The following ARHGEF38 variants were observed in gnomAD, a reference collection of about 807,000 sequenced individuals.
ARHGEF38 encodes Rho guanine nucleotide exchange factor 38.
A neutral mutation model predicts 79.9 loss-of-function variants in ARHGEF38; 79 were observed. The observed-to-expected ratio is 0.99, with a 90% CI of 0.82 to 1.19. The LOEUF (loss-of-function observed/expected upper bound fraction) is 1.19. Among genes scored for constraint, ARHGEF38 ranks in the 50% most tolerant of loss-of-function variants. ARHGEF38 has a pLI of 0.00. For synonymous variants in ARHGEF38, 366 were observed against 328.3 expected (o/e 1.11, Z -1.24); for missense variants, 962 against 907.2 (o/e 1.06, Z -0.78).
intron 7 of ARHGEF38, among the ~76,000 whole-genome samples, chr4:105,653,511 C>A (rs557032936): frequency 6.6e-6 from 1 of 151,928 alleles, no homozygotes; most frequent in African/African-American, 2.4e-5. Flanking sequence ...TTAGTAGATA[C>A]GGGGTTTCAC....
At chr4:105,562,973 T>A (rs1468654817) in intron 1 of ARHGEF38, among the ~76,000 whole-genome samples, 1 of 152,158 alleles carries the variant, frequency 6.6e-6, no homozygotes. Flanking sequence ...TTGTCTCCAG[T>A]GTTGTGAAGG....
intron 1 of ARHGEF38, among the ~76,000 whole-genome samples, chr4:105,559,323 T>C (rs566174380): frequency 1.3e-5 from 2 of 152,256 alleles, no homozygotes; most frequent in East Asian, 3.9e-4. Context: ...GGACCGCTTC[T>C]TATCCCATGC....
At chr4:105,647,213 A>G (rs1452991721) in intron 6 of ARHGEF38, among the ~76,000 whole-genome samples, 2 of 152,138 alleles carry the variant, frequency 1.3e-5, no homozygotes, top group Non-Finnish European at 2.9e-5. Context: ...TCCAGTTTGC[A>G]TAGCTAACAT....
At chr4:105,653,297 T>C (rs992580104) in intron 7 of ARHGEF38, among the ~76,000 whole-genome samples, 5 of 151,490 alleles carry the variant, frequency 3.3e-5, no homozygotes, top group African/African-American at 1.2e-4. Flanking sequence ...TCCTTCAAGT[T>C]TGAGTTGATA....
At chr4:105,561,921 G>A (rs994178033) in intron 1 of ARHGEF38, among the ~76,000 whole-genome samples, 1 of 152,262 alleles carries the variant, frequency 6.6e-6, no homozygotes, top group African/African-American at 2.4e-5. Flanking sequence ...GAAAGAAATT[G>A]TGGAAAAGTG....
At chr4:105,589,022 A>G (rs907800452) in intron 1 of ARHGEF38, among the ~76,000 whole-genome samples, 11 of 152,264 alleles carry the variant, frequency 7.2e-5, no homozygotes. Context: ...AGAAGCCACG[A>G]TAATTGAGTA....
chr4:105,554,029 CTAT>C (rs1725133249), intron 1 of ARHGEF38, among the ~76,000 whole-genome samples: 1 of 151,762 alleles, frequency 6.6e-6, no homozygotes, highest in Non-Finnish European at 1.5e-5. Context: ...AAAATTATTA[CTAT>C]AAGTTAATGT....
At chr4:105,594,015 T>A (rs1457726805) in intron 2 of ARHGEF38, among the ~76,000 whole-genome samples, 2 of 152,328 alleles carry the variant, frequency 1.3e-5, no homozygotes, top group East Asian at 3.9e-4. Flanking sequence ...TTTGACCTTG[T>A]TATTTAGCTA....
At chr4:105,620,068 A>G (rs1728677624) in intron 3 of ARHGEF38, among the ~76,000 whole-genome samples, 2 of 152,168 alleles carry the variant, frequency 1.3e-5, no homozygotes, top group Non-Finnish European at 2.9e-5. Context: ...GTTTAAACAC[A>G]GGGGCATATG....
intron 5 of ARHGEF38, among the ~76,000 whole-genome samples, chr4:105,638,269 G>T (rs557892544): frequency 6.6e-6 from 1 of 152,030 alleles, no homozygotes; most frequent in Admixed American, 6.6e-5. Context: ...AAAGATATTT[G>T]TAATTTCTAA....
intron 2 of ARHGEF38, among the ~76,000 whole-genome samples, chr4:105,611,147 T>A (rs984822195): frequency 6.6e-6 from 1 of 152,016 alleles, no homozygotes; most frequent in Non-Finnish European, 1.5e-5. Context: ...ATAATAAACA[T>A]GAAACACTTC....
At chr4:105,607,191 A>G (rs186162413) in intron 2 of ARHGEF38, among the ~76,000 whole-genome samples, 2 of 152,230 alleles carry the variant, frequency 1.3e-5, no homozygotes, top group Admixed American at 1.3e-4. Context: ...CTGTCAGCAA[A>G]TTAGCCAGTT....
At chr4:105,609,950 A>T (rs1039826484) in intron 2 of ARHGEF38, among the ~76,000 whole-genome samples, 1 of 152,164 alleles carries the variant, frequency 6.6e-6, no homozygotes, top group African/African-American at 2.4e-5. Flanking sequence ...AAGACATAGA[A>T]TCAACCCAAA....
chr4:105,581,525 T>C (rs1340220181), intron 1 of ARHGEF38, among the ~76,000 whole-genome samples: 5 of 152,206 alleles, frequency 3.3e-5, no homozygotes, highest in African/African-American at 4.8e-5. Flanking sequence ...CATTAATCTC[T>C]TTAACTTTGT....
chr4:105,573,993 T>G (rs1257661035), intron 1 of ARHGEF38, among the ~76,000 whole-genome samples: 2 of 152,190 alleles, frequency 1.3e-5, no homozygotes, highest in Non-Finnish European at 2.9e-5. Flanking sequence ...ATGGAAACAC[T>G]TTCTTAATAT....
chr4:105,666,041 G>A lies in ARHGEF38; in HGVS notation c.1546-136G>A, dbSNP rs1298746351. 27 of 601,382 alleles carry A rather than the reference G, an allele frequency of 4.5e-5. No individual in the cohort carries two copies. In the South Asian group the frequency reaches 1.8e-3, roughly 40 times the overall value. The allele number at this position is 601,382 out of a possible 1,614,324, so 37.3% of individuals were successfully genotyped here. A position where few individuals can be genotyped will look rare whatever the true frequency, so the allele number is the denominator to read the frequency against. On this transcript the variant is annotated intron_variant, in intron 10 of 13. Transcript: ENST00000420470. Reference sequence around the variant, plus strand: ...TAAATTAGACCATATTTATCTAGAAGTTCTAAAGTTGCCCTAACTTTTCAC... The same window carrying A: ...TAAATTAGACCATATTTATCTAGAAATTCTAAAGTTGCCCTAACTTTTCAC...
At chr4:105,563,577 G>A (rs1481134942) in intron 1 of ARHGEF38, among the ~76,000 whole-genome samples, 1 of 152,206 alleles carries the variant, frequency 6.6e-6, no homozygotes, top group Non-Finnish European at 1.5e-5. Flanking sequence ...GCTATTAATA[G>A]CAACTGGTGA....
At chr4:105,645,946 GT>G (rs1729822960) in intron 6 of ARHGEF38, among the ~76,000 whole-genome samples, 1 of 152,170 alleles carries the variant, frequency 6.6e-6, no homozygotes, top group South Asian at 2.1e-4. Context: ...TAAAATTAGT[GT>G]TTAATGTAAA....
At chr4:105,585,726 C>CTTTTCTTTT (rs1727003871) in intron 1 of ARHGEF38, among the ~76,000 whole-genome samples, 1 of 71,504 alleles carries the variant, frequency 1.4e-5, no homozygotes, top group Admixed American at 2.6e-4. Flanking sequence ...CCCTCCGTTG[C>CTTTTCTTTT]TTTTTTTTTT....
Sources: allele counts gnomAD v4.1 joint callset (sites outside exome capture counted in the v4.1 genomes callset), GRCh38; gene constraint gnomAD v4.1.1; transcripts MANE v1.5; gene names NCBI Gene and HGNC (gene_info 2026-07-23, HGNC 2026-07-21).